Variants in SLC1A7 observed in about 807,000 individuals in gnomAD.
SLC1A7 encodes the protein solute carrier family 1 member 7.
A neutral mutation model predicts 47.7 loss-of-function variants in SLC1A7; 40 were observed. That is an observed-to-expected ratio of 0.84 (90% CI 0.65 to 1.09). The LOEUF is 1.09. Among genes scored for constraint, SLC1A7 ranks in the 50% least tolerant of loss-of-function variants. The probability of loss-of-function intolerance (pLI) is 0.00; values close to 1 mark genes in which losing one functional copy is unlikely to be tolerated. For synonymous variants in SLC1A7, 323 were observed against 325.6 expected (o/e 0.99, Z 0.09); for missense variants, 746 against 769.5 (o/e 0.97, Z 0.36).
intron 5 of SLC1A7, among the ~76,000 whole-genome samples, chr1:53,096,335 C>T (rs1644490088): frequency 6.6e-6 from 1 of 151,230 alleles, no homozygotes; most frequent in Admixed American, 6.6e-5. Context: ...TACACTCACA[C>T]ACCCTGTCTC....
chr1:53,124,338 A>G (rs994633120), intron 2 of SLC1A7, among the ~76,000 whole-genome samples: 1 of 151,614 alleles, frequency 6.6e-6, no homozygotes, highest in Admixed American at 6.6e-5. Context: ...TGTCTTTGCT[A>G]TGTTGTGGAG....
chr1:53,100,324 C>T (rs1223398063), intron 5 of SLC1A7, among the ~76,000 whole-genome samples: 3 of 151,166 alleles, frequency 2.0e-5, no homozygotes, highest in Non-Finnish European at 3.0e-5. Flanking sequence ...TACACATACA[C>T]ACCCCGCCTC....
Position 53,093,521 on chromosome 1 carries a change from AG to A in SLC1A7, c.736del (p.Leu246TrpfsTer13), listed in dbSNP as rs1644449218. 1 of 1,609,844 alleles carries A rather than the reference AG, an allele frequency of 6.2e-7. No homozygotes were observed. ...LGRMGDSGAP[L>X]VSFCQCLNES... Reference sequence around the variant, plus strand: ...ATTGAGGCACTGGCAGAAGCTGACCAGGGGGGCCCCGCTGTCACCCATGCGG... The same window carrying A: ...ATTGAGGCACTGGCAGAAGCTGACCAGGGGGCCCCGCTGTCACCCATGCGG... On this transcript the variant is annotated frameshift_variant, in exon 6 of 11. Coordinates refer to ENST00000371494, the MANE Select transcript of SLC1A7 (RefSeq NM_006671.6). LOFTEE classifies it high-confidence loss of function.
chr1:53,103,456 T>C lies in SLC1A7; in HGVS notation c.587A>G (p.Gln196Arg), dbSNP rs932773738. 1 of 1,613,114 alleles carries C rather than the reference T, an allele frequency of 6.2e-7. No individual in the cohort carries two copies. Among genetic ancestry groups the C allele is most frequent in the Non-Finnish European group, 8.5e-7 (1 of 1,179,752 alleles). The change falls in exon 5 of 11, where the codon CAG becomes CGG. Residue 196 changes from glutamine (Q) to arginine (R), a missense_variant. Transcript: ENST00000371494. ...CGGGGTCAGGTCCAGGGCGAAGTTC[T>C]GCACATGGGAGCCATTCTCCTCCTG... The part of the protein sequence containing the change: ...GVQEENGSHV[Q>R]NFALDLTPPP...
At chr1:53,088,827 C>T (rs1557664102) in intron 10 of SLC1A7, 50 bp downstream of exon 10, 2 of 1,467,594 alleles carry the variant, frequency 1.4e-6, no homozygotes, top group African/African-American at 1.4e-5. Context: ...GCCCTGCCCA[C>T]CCTGCGTGGC....
chr1:53,128,387 G>A (rs1644906096), intron 2 of SLC1A7, among the ~76,000 whole-genome samples: 1 of 152,352 alleles, frequency 6.6e-6, no homozygotes, highest in South Asian at 2.1e-4. Flanking sequence ...TAAGTCGGGA[G>A]GATCGATTGA....
intron 5 of SLC1A7, among the ~76,000 whole-genome samples, chr1:53,095,755 A>G (rs1472461265): frequency 6.8e-6 from 1 of 146,542 alleles, no homozygotes; most frequent in East Asian, 2.1e-4. Context: ...GCCTCGGTAC[A>G]CTCACTCCAC....
chr1:53,097,008 C>T (rs549691127), intron 5 of SLC1A7, among the ~76,000 whole-genome samples: 3 of 151,070 alleles, frequency 2.0e-5, no homozygotes, highest in Admixed American at 6.6e-5. Flanking sequence ...CACAACCCAC[C>T]TTGGTACCCT....
intron 1 of SLC1A7, among the ~76,000 whole-genome samples, chr1:53,141,660 C>A (rs1645058273): frequency 1.3e-5 from 2 of 151,238 alleles, no homozygotes; most frequent in South Asian, 4.2e-4. Flanking sequence ...CTGAAGCTCC[C>A]CCTTTTGAAA....
At chr1:53,118,983 G>T (rs1284571208) in intron 2 of SLC1A7, among the ~76,000 whole-genome samples, 1 of 152,202 alleles carries the variant, frequency 6.6e-6, no homozygotes, top group Non-Finnish European at 1.5e-5. Context: ...AGCAACAAGA[G>T]TGAAACTCCG....
Position 53,087,430 on chromosome 1 carries a change from C to T in SLC1A7, c.*579G>A, listed in dbSNP as rs1405378012. The T allele has an allele frequency of 4.6e-5, 7 of 152,296 alleles. No homozygotes were observed. The highest frequency in any genetic ancestry group is 1.4e-4 in the African/African-American group (6 of 41,470). 9.4% of individuals were successfully genotyped at this position (152,296 alleles called of 1,614,324 possible). A position where few individuals can be genotyped will look rare whatever the true frequency, so the allele number is the denominator to read the frequency against. On this transcript the variant is annotated 3_prime_UTR_variant, in exon 11 of 11. Coordinates refer to ENST00000371494, the MANE Select transcript of SLC1A7 (RefSeq NM_006671.6). ...GCTCTAGTAAAGACATCTGTCTCCA[C>T]ATCCAAGGAGCTTTGCAAAAGACAC...
chr1:53,097,656 A>G (rs1644513451), intron 5 of SLC1A7, among the ~76,000 whole-genome samples: 1 of 146,364 alleles, frequency 6.8e-6, no homozygotes, highest in Non-Finnish European at 1.5e-5. Context: ...GCACTCACAC[A>G]TCCCACCTCA....
At chr1:53,096,516 G>C (rs1014100639) in intron 5 of SLC1A7, among the ~76,000 whole-genome samples, 1 of 134,828 alleles carries the variant, frequency 7.4e-6, no homozygotes, top group Non-Finnish European at 1.6e-5. Context: ...ACACTCACAC[G>C]CACATAAACC....
intron 5 of SLC1A7, among the ~76,000 whole-genome samples, chr1:53,099,577 TA>T (rs1644547646): frequency 1.4e-5 from 1 of 70,204 alleles, no homozygotes; most frequent in Non-Finnish European, 3.2e-5. Context: ...CACTGACACA[TA>T]CCACCTCAGT....
At chr1:53,120,194 G>A (rs1644804019) in intron 2 of SLC1A7, among the ~76,000 whole-genome samples, 1 of 152,196 alleles carries the variant, frequency 6.6e-6, no homozygotes, top group African/African-American at 2.4e-5. Flanking sequence ...AGGAGAAAAA[G>A]GCTGCTGACT....
rs559947200 is a variant in SLC1A7, at chr1:53,125,786, A to G, written c.215+8564T>C. Reference sequence around the variant, plus strand: ...TGCGGGACCTGCGTTCCACAGGGCCACCCCGTGGAGGGAACCAGAGCAGCA... The same window carrying G: ...TGCGGGACCTGCGTTCCACAGGGCCGCCCCGTGGAGGGAACCAGAGCAGCA... On this transcript the variant is annotated intron_variant, in intron 2 of 10. Coordinates refer to ENST00000371494, the MANE Select transcript of SLC1A7 (RefSeq NM_006671.6). Among the ~76,000 whole-genome samples, 35 of 152,266 alleles carry G rather than the reference A, an allele frequency of 2.3e-4. No homozygotes were observed. The East Asian group carries it at 6.8e-3, about 29-fold the overall frequency.
At chr1:53,088,269 A>G in intron 10 of SLC1A7, 42 bp from the exon 11 acceptor site, 1 of 1,500,080 alleles carries the variant, frequency 6.7e-7, no homozygotes, top group Non-Finnish European at 9.0e-7. Flanking sequence ...AGGAGGGACC[A>G]AGGTTAGATA....
At chr1:53,104,930 C>T (rs1409765431) in intron 4 of SLC1A7, among the ~76,000 whole-genome samples, 1 of 152,162 alleles carries the variant, frequency 6.6e-6, no homozygotes, top group South Asian at 2.1e-4. Flanking sequence ...TGAAAACAAC[C>T]TAAGGGAACA....
intron 3 of SLC1A7, among the ~76,000 whole-genome samples, chr1:53,106,483 A>G (rs1006114093): frequency 6.6e-6 from 1 of 151,966 alleles, no homozygotes; most frequent in African/African-American, 2.4e-5. Context: ...GGGTGCCTGT[A>G]GTCCCAGCTA....
Sources: allele counts gnomAD v4.1 joint callset (sites outside exome capture counted in the v4.1 genomes callset), GRCh38; gene constraint gnomAD v4.1.1; transcripts MANE v1.5; gene names NCBI Gene and HGNC (gene_info 2026-07-23, HGNC 2026-07-21).